NR6A1: variants seen among roughly 807,000 people sequenced by gnomAD.
NR6A1 encodes nuclear receptor subfamily 6 group A member 1.
Under a neutral mutation model 59.1 loss-of-function variants are expected in NR6A1, and 7 were observed. That is an observed-to-expected ratio of 0.12 (90% CI 0.07 to 0.22). The LOEUF (loss-of-function observed/expected upper bound fraction) is 0.22, where lower values mean the gene tolerates loss of function less well. Ranked by LOEUF, NR6A1 falls within the 10% of genes least tolerant of loss-of-function variation. The pLI is 1.00. For synonymous variants in NR6A1, 243 were observed against 236.1 expected (o/e 1.03, Z -0.27); for missense variants, 468 against 611.6 (o/e 0.77, Z 2.48).
At chr9:124,724,057 T>C (rs1839640856) in intron 2 of NR6A1, among the ~76,000 whole-genome samples, 1 of 152,208 alleles carries the variant, frequency 6.6e-6, no homozygotes, top group South Asian at 2.1e-4. Context: ...GTTAAATAAA[T>C]CATGATAAAG....
chr9:124,727,334 C>G lies in NR6A1; in HGVS notation c.142+5974G>C, dbSNP rs1485291920. Among the ~76,000 whole-genome samples, 3 of 152,028 alleles carry G rather than the reference C, an allele frequency of 2.0e-5. No individual in the cohort carries two copies. In the East Asian group the frequency reaches 5.8e-4, roughly 29 times the overall value. The stretch of plus-strand genomic sequence containing the variant: ...GAGAAGAGTGAAATTTGTTTTTTTG[C>G]CATGTGATGAAGACCACTGTGATTT... On this transcript the variant is annotated intron_variant, in intron 2 of 9. Transcript: ENST00000487099.
intron 2 of NR6A1, among the ~76,000 whole-genome samples, chr9:124,666,897 G>A (rs548390971): frequency 3.3e-5 from 5 of 152,194 alleles, no homozygotes; most frequent in South Asian, 2.1e-4. Flanking sequence ...TGGCGGGGGC[G>A]GGGGAAATAA....
chr9:124,539,264 G>A (rs888009361), intron 5 of NR6A1, among the ~76,000 whole-genome samples: 3 of 152,096 alleles, frequency 2.0e-5, no homozygotes, highest in Non-Finnish European at 2.9e-5. Flanking sequence ...TATAACTGGG[G>A]TTGGCAAACT....
intron 8 of NR6A1, among the ~76,000 whole-genome samples, chr9:124,525,453 C>G (rs550205812): frequency 6.6e-6 from 1 of 152,226 alleles, no homozygotes; most frequent in East Asian, 1.9e-4. Flanking sequence ...GCAGCTGGCT[C>G]AATAGATTCT....
At chr9:124,569,423 C>T (rs1270449530) in intron 2 of NR6A1, among the ~76,000 whole-genome samples, 1 of 152,228 alleles carries the variant, frequency 6.6e-6, no homozygotes, top group Non-Finnish European at 1.5e-5. Context: ...ACGCAAATTA[C>T]ATTTGGAAAC....
At chr9:124,701,674 T>C (rs75146481) in intron 2 of NR6A1, among the ~76,000 whole-genome samples, 2,249 of 152,350 alleles carry the variant, frequency 0.015, 30 homozygotes, top group Non-Finnish European at 0.023. Flanking sequence ...AGTTGTCTTC[T>C]TATTGAGTTG....
intron 2 of NR6A1, among the ~76,000 whole-genome samples, chr9:124,605,426 C>A (rs761176811): frequency 2.0e-4 from 30 of 152,120 alleles, no homozygotes; most frequent in Admixed American, 1.1e-3. Flanking sequence ...ATCACTTGAG[C>A]CAGGAGTTCT....
At chr9:124,642,079 T>C (rs768551698) in intron 2 of NR6A1, among the ~76,000 whole-genome samples, 2 of 152,134 alleles carry the variant, frequency 1.3e-5, no homozygotes, top group Non-Finnish European at 2.9e-5. Flanking sequence ...AGTCAAGTCT[T>C]GCTCTGTCAC....
At chr9:124,720,656 C>G (rs529089740) in intron 2 of NR6A1, among the ~76,000 whole-genome samples, 2 of 152,070 alleles carry the variant, frequency 1.3e-5, no homozygotes, top group African/African-American at 4.8e-5. Context: ...AAAACAAAAA[C>G]AAAGTAGCTT....
intron 2 of NR6A1, among the ~76,000 whole-genome samples, chr9:124,595,278 A>C (rs1255203270): frequency 6.6e-6 from 1 of 152,200 alleles, no homozygotes; most frequent in African/African-American, 2.4e-5. Flanking sequence ...AAAGTATAGA[A>C]GCTCCCTACC....
chr9:124,687,601 T>C (rs1345974666), intron 2 of NR6A1, among the ~76,000 whole-genome samples: 1 of 152,148 alleles, frequency 6.6e-6, no homozygotes, highest in African/African-American at 2.4e-5. Context: ...AACTTAACCT[T>C]TGAGATTCTT....
intron 2 of NR6A1, among the ~76,000 whole-genome samples, chr9:124,594,037 A>C (rs1835204288): frequency 6.6e-6 from 1 of 152,218 alleles, no homozygotes. Flanking sequence ...GCTGTGACAA[A>C]GGTTAATTTA....
At chr9:124,692,755 G>A (rs1411561762) in intron 2 of NR6A1, among the ~76,000 whole-genome samples, 1 of 152,154 alleles carries the variant, frequency 6.6e-6, no homozygotes, top group Non-Finnish European at 1.5e-5. Flanking sequence ...ACAAGGTAAG[G>A]AGCAGTCCAT....
chr9:124,768,259 A>G (rs1453004026), intron 1 of NR6A1, among the ~76,000 whole-genome samples: 1 of 152,230 alleles, frequency 6.6e-6, no homozygotes, highest in Non-Finnish European at 1.5e-5. Flanking sequence ...AGTTCATATA[A>G]AATAGAAATC....
intron 2 of NR6A1, among the ~76,000 whole-genome samples, chr9:124,594,191 A>AATTTTCAATG (rs1270289069): frequency 6.6e-6 from 1 of 152,198 alleles, no homozygotes; most frequent in African/African-American, 2.4e-5. Flanking sequence ...GCTTTATTAG[A>AATTTTCAATG]ATTTTCAATG....
At chr9:124,554,274 AAAGGT>A (rs1409621513) in intron 3 of NR6A1, 49 bp downstream of exon 3, 4 of 1,611,700 alleles carry the variant, frequency 2.5e-6, no homozygotes, top group Non-Finnish European at 3.4e-6. Flanking sequence ...AGCTGACACT[AAAGGT>A]AAAGTTTTGA....
intron 2 of NR6A1, among the ~76,000 whole-genome samples, chr9:124,668,219 C>T (rs987267394): frequency 6.6e-6 from 1 of 152,026 alleles, no homozygotes; most frequent in African/African-American, 2.4e-5. Flanking sequence ...AATATATTTA[C>T]TATTCATTAA....
chr9:124,716,557 C>A, intron 2 of NR6A1, among the ~76,000 whole-genome samples: 1 of 152,188 alleles, frequency 6.6e-6, no homozygotes, highest in Admixed American at 6.5e-5. Flanking sequence ...ACATATCTGA[C>A]GGACTTATAT....
At chr9:124,600,439 T>A (rs1395563183) in intron 2 of NR6A1, among the ~76,000 whole-genome samples, 1 of 152,164 alleles carries the variant, frequency 6.6e-6, no homozygotes, top group Non-Finnish European at 1.5e-5. Flanking sequence ...GTGGAAAGAA[T>A]TCATAGTTCA....
Sources: allele counts gnomAD v4.1 joint callset (sites outside exome capture counted in the v4.1 genomes callset), GRCh38; gene constraint gnomAD v4.1.1; transcripts MANE v1.5; gene names NCBI Gene and HGNC (gene_info 2026-07-23, HGNC 2026-07-21).